Variants in ANKRD22 observed in about 807,000 individuals in gnomAD.
The protein encoded by ANKRD22 is ankyrin repeat domain 22, also known as ankyrin repeat domain-containing protein 22.
In ANKRD22, 24 loss-of-function variants were observed where a neutral mutation model predicts 25.7. That is an observed-to-expected ratio of 0.93 (90% CI 0.68 to 1.31). ANKRD22 has a LOEUF of 1.31. Among genes scored for constraint, ANKRD22 ranks in the 50% most tolerant of loss-of-function variants. The pLI is 0.00. For synonymous variants in ANKRD22, 84 were observed against 84.3 expected, an observed-to-expected ratio of 1.00 and a Z score of 0.02; for missense variants, 214 against 227.1, an observed-to-expected ratio of 0.94 and a Z score of 0.37.
intron 1 of ANKRD22, among the ~76,000 whole-genome samples, chr10:88,837,351 A>G: frequency 6.6e-6 from 1 of 152,186 alleles, no homozygotes; most frequent in Non-Finnish European, 1.5e-5. Context: ...AATGTTAGCT[A>G]CTCTTATAAT....
At chr10:88,846,560 G>A (rs933673513) in intron 1 of ANKRD22, among the ~76,000 whole-genome samples, 1 of 152,150 alleles carries the variant, frequency 6.6e-6, no homozygotes, top group Non-Finnish European at 1.5e-5. Context: ...ATGAGCCATT[G>A]CTACAAAATG....
intron 1 of ANKRD22, among the ~76,000 whole-genome samples, chr10:88,834,661 G>A (rs868072656): frequency 1.3e-5 from 2 of 152,188 alleles, no homozygotes; most frequent in African/African-American, 2.4e-5. Context: ...TTGGCTGGGC[G>A]CGATGGCTTA....
At position 88,820,757 on chromosome 10, in the gene ANKRD22, C is replaced by T. The variant is rs996635801; in HGVS notation, c.*2184G>A. ...ACCTGATAGCCAGAAAATATCTAGA[C>T]ATTCTCTATATCATTCAGGTAAATC... On this transcript the variant is annotated 3_prime_UTR_variant, in exon 6 of 6. Transcript: ENST00000371930. Among the ~76,000 whole-genome samples the T allele has an allele frequency of 1.3e-5, 2 of 152,114 alleles. No homozygotes were observed. Among genetic ancestry groups the T allele is most frequent in the African/African-American group, 4.8e-5 (2 of 41,422 alleles).
At chr10:88,851,254 C>G (rs767900479) in intron 1 of ANKRD22, among the ~76,000 whole-genome samples, 1 of 152,058 alleles carries the variant, frequency 6.6e-6, no homozygotes, top group Non-Finnish European at 1.5e-5. Flanking sequence ...ACAATTTTCT[C>G]TTTTTCTCTG....
chr10:88,845,318 C>G lies in ANKRD22; in HGVS notation c.21+6269G>C, dbSNP rs77175959. 7.6e-3 allele frequency among the ~76,000 whole-genome samples: 1,150 copies of G among 152,180 alleles called. 15 individuals carry two copies. The highest frequency in any genetic ancestry group is 0.044 in the South Asian group (210 of 4,824). ...CAAGACCATACCTTCCTACAATGAC[C>G]TGGTATCCTTTGCTATCTCTACATT... On this transcript the variant is annotated intron_variant, in intron 1 of 5. Coordinates refer to ENST00000371930, the MANE Select transcript of ANKRD22 (RefSeq NM_144590.3).
chr10:88,851,620 C>T lies in ANKRD22; in HGVS notation c.-13G>A. On this transcript the variant is annotated 5_prime_UTR_variant, in exon 1 of 6. It adds an upstream start codon to the 5' untranslated region. Transcript: ENST00000371930. ...ATAGGATTCCCATGCTGGTCCTTCA[C>T]AGGCTTACTTCACCTCTACAGCTCC... The T allele has an allele frequency of 1.2e-6, 2 of 1,613,304 alleles. No individual in the cohort carries two copies. The highest frequency in any genetic ancestry group is 8.5e-7 in the Non-Finnish European group (1 of 1,179,454).
At chr10:88,834,791 A>C (rs1843937685) in intron 1 of ANKRD22, among the ~76,000 whole-genome samples, 1 of 152,108 alleles carries the variant, frequency 6.6e-6, no homozygotes, top group South Asian at 2.1e-4. Flanking sequence ...AAAAATAAAA[A>C]AATTAGCAGG....
At chr10:88,831,608 A>T (rs1190610567) in intron 2 of ANKRD22, among the ~76,000 whole-genome samples, 1 of 152,200 alleles carries the variant, frequency 6.6e-6, no homozygotes, top group Non-Finnish European at 1.5e-5. Context: ...AGGTAAAAAG[A>T]CATAATTTAT....
intron 3 of ANKRD22, among the ~76,000 whole-genome samples, chr10:88,828,191 C>G (rs1843872245): frequency 6.6e-6 from 1 of 151,950 alleles, no homozygotes; most frequent in East Asian, 1.9e-4. Flanking sequence ...ATCAGTAAGT[C>G]AGAAAGATAA....
chr10:88,823,524 T>C, intron 4 of ANKRD22, 146 bp from the exon 5 acceptor site: 1 of 664,144 alleles, frequency 1.5e-6, no homozygotes, highest in Non-Finnish European at 2.6e-6. Context: ...AGACAACTAT[T>C]TCTAGTACTT....
At chr10:88,834,392 A>G (rs916733321) in intron 1 of ANKRD22, among the ~76,000 whole-genome samples, 1 of 152,232 alleles carries the variant, frequency 6.6e-6, no homozygotes, top group African/African-American at 2.4e-5. Context: ...AGTTAGCTTT[A>G]TAGAAAAATT....
rs757573437 is a variant in ANKRD22 at position 88,822,895 on chromosome 10, C to T, written c.*46G>A. ...CAAAAGTCTAAAATGAAGATAGAAT[C>T]CAGTCGTTAACTTTTTCTGTATCTC... On this transcript the variant is annotated 3_prime_UTR_variant, in exon 6 of 6. Coordinates refer to ENST00000371930, the MANE Select transcript of ANKRD22 (RefSeq NM_144590.3). 1.3e-6 allele frequency: 2 copies of T among 1,530,022 alleles called. No homozygotes were observed. Among genetic ancestry groups the T allele is most frequent in the Admixed American group, 3.4e-5 (2 of 58,730 alleles). The allele number at this position is 1,530,022 out of a possible 1,614,324, so 94.8% of individuals were successfully genotyped here. A position where few individuals can be genotyped will look rare whatever the true frequency, so the allele number is the denominator to read the frequency against.
Position 88,822,962 on chromosome 10 carries a change from T to G in ANKRD22, c.555A>C (p.Leu185Phe), listed in dbSNP as rs1324267313. Residue 185 changes from leucine to phenylalanine, a missense_variant, in exon 6 of 6, where the codon TTA becomes TTC. Physicochemically the swap from Leu to Phe is conservative, Grantham distance 22. Coordinates refer to ENST00000371930, the MANE Select transcript of ANKRD22 (RefSeq NM_144590.3). Reference protein sequence around the residue: ...ARRLKFSQIELMLRKAL With the variant: ...ARRLKFSQIEFMLRKAL ...AGGATTACAATGCTTTCCTTAGCATTAATTCAATCTGGGAAAATTTTAATC... is the reference window on the plus strand; with the variant it reads ...AGGATTACAATGCTTTCCTTAGCATGAATTCAATCTGGGAAAATTTTAATC... 3 of 1,613,016 alleles carry G rather than the reference T, an allele frequency of 1.9e-6. No homozygotes were observed. The highest frequency in any genetic ancestry group is 2.5e-6 in the Non-Finnish European group (3 of 1,179,016).
intron 1 of ANKRD22, among the ~76,000 whole-genome samples, chr10:88,844,414 C>G (rs138529250): frequency 6.6e-6 from 1 of 152,062 alleles, no homozygotes; most frequent in Non-Finnish European, 1.5e-5. Context: ...TAAGACTTCC[C>G]AGTTAATTAG....
chr10:88,830,518 TG>T (rs1843893840), intron 2 of ANKRD22, among the ~76,000 whole-genome samples: 2 of 152,232 alleles, frequency 1.3e-5, no homozygotes, highest in Non-Finnish European at 2.9e-5. Context: ...AAATTATTAA[TG>T]TACAAATATT....
intron 2 of ANKRD22, among the ~76,000 whole-genome samples, chr10:88,831,112 G>C (rs572887729): frequency 3.9e-4 from 59 of 152,280 alleles, no homozygotes; most frequent in Non-Finnish European, 6.6e-4. Flanking sequence ...GTGGGTACAG[G>C]ACAGTCATAA....
intron 1 of ANKRD22, among the ~76,000 whole-genome samples, chr10:88,839,156 G>T (rs151237282): frequency 6.6e-6 from 1 of 152,030 alleles, no homozygotes; most frequent in Non-Finnish European, 1.5e-5. Context: ...CCTATATGGC[G>T]GGCTTCCTGC....
chr10:88,820,607 C>A lies in ANKRD22; in HGVS notation c.*2334G>T. On this transcript the variant is annotated 3_prime_UTR_variant, in exon 6 of 6. Coordinates refer to ENST00000371930, the MANE Select transcript of ANKRD22 (RefSeq NM_144590.3). The stretch of plus-strand genomic sequence containing the variant: ...AGACCTAGTATACATTTTTCAGATT[C>A]CCTGCACTTGGCACTAAATCCGACA... 1 of 1,138,278 alleles carries A rather than the reference C, an allele frequency of 8.8e-7. No individual in the cohort carries two copies. Among genetic ancestry groups the A allele is most frequent in the Non-Finnish European group, 1.2e-6 (1 of 828,660 alleles). 70.5% of individuals were successfully genotyped at this position (1,138,278 alleles called of 1,614,324 possible). A position where few individuals can be genotyped will look rare whatever the true frequency, so the allele number is the denominator to read the frequency against.
At chr10:88,843,898 A>G (rs1337614324) in intron 1 of ANKRD22, among the ~76,000 whole-genome samples, 2 of 152,168 alleles carry the variant, frequency 1.3e-5, no homozygotes, top group Admixed American at 1.3e-4. Context: ...CAGGGAAGCT[A>G]TCATTATACC....
Sources: allele counts gnomAD v4.1 joint callset (sites outside exome capture counted in the v4.1 genomes callset), GRCh38; gene constraint gnomAD v4.1.1; transcripts MANE v1.5; gene names NCBI Gene and HGNC (gene_info 2026-07-23, HGNC 2026-07-21).